DPYD: variants seen among roughly 807,000 people sequenced by gnomAD.
DPYD encodes the protein dihydropyrimidine dehydrogenase, also known as dihydropyrimidine dehydrogenase [NADP(+)].
In DPYD, 109 loss-of-function variants were observed where a neutral mutation model predicts 116.2. The observed-to-expected ratio is 0.94, with a 90% CI of 0.80 to 1.10. DPYD has a LOEUF of 1.10. DPYD is among the 50% of genes least tolerant of loss of function. DPYD has a pLI of 0.00. For synonymous variants in DPYD, 440 were observed against 432.0 expected, an observed-to-expected ratio of 1.02 and a Z score of -0.23; for missense variants, 1,302 against 1,254.5, an observed-to-expected ratio of 1.04 and a Z score of -0.57.
chr1:97,523,128 C>T (rs1648809003), intron 12 of DPYD, among the ~76,000 whole-genome samples: 1 of 151,824 alleles, frequency 6.6e-6, no homozygotes, highest in Non-Finnish European at 1.5e-5. Flanking sequence ...TCAATGAAAA[C>T]TAAAGAAAAC....
chr1:97,115,536 C>T (rs1195885071), intron 20 of DPYD, among the ~76,000 whole-genome samples: 5 of 152,130 alleles, frequency 3.3e-5, no homozygotes, highest in Non-Finnish European at 7.4e-5. Flanking sequence ...GCAGCACATA[C>T]AGTATGATCC....
intron 20 of DPYD, among the ~76,000 whole-genome samples, chr1:97,175,118 T>A (rs1233195374): frequency 6.6e-6 from 1 of 152,100 alleles, no homozygotes; most frequent in African/African-American, 2.4e-5. Context: ...TGCTGGAGAG[T>A]TTTCCAAAGT....
At chr1:97,244,582 C>T (rs1570747402) in intron 18 of DPYD, among the ~76,000 whole-genome samples, 1 of 151,868 alleles carries the variant, frequency 6.6e-6, no homozygotes, top group East Asian at 1.9e-4. Flanking sequence ...TGGTAGATGC[C>T]GTATCATATG....
At chr1:97,741,265 C>T (rs1276325636) in intron 3 of DPYD, among the ~76,000 whole-genome samples, 1 of 152,126 alleles carries the variant, frequency 6.6e-6, no homozygotes, top group African/African-American at 2.4e-5. Context: ...TGCTCAGTCC[C>T]ACTTCCTTCA....
At chr1:97,709,269 C>A (rs567548468) in intron 5 of DPYD, among the ~76,000 whole-genome samples, 1 of 151,820 alleles carries the variant, frequency 6.6e-6, no homozygotes, top group Non-Finnish European at 1.5e-5. Flanking sequence ...CAGTGATATG[C>A]TTAAACAAAG....
chr1:97,130,836 C>CTCCTTCCTTCCTTCCTTCCTTCCTTCCT (rs59350272), intron 20 of DPYD, among the ~76,000 whole-genome samples: 7 of 64,668 alleles, frequency 1.1e-4, no homozygotes, highest in Non-Finnish European at 2.0e-4. Context: ...TTTCTTCTTT[C>CTCCTTCCTTCCTTCCTTCCTTCCTTCCT]TCCTTCCTTC....
chr1:97,218,960 T>TA (rs1160489479), intron 19 of DPYD, among the ~76,000 whole-genome samples: 3 of 152,136 alleles, frequency 2.0e-5, no homozygotes, highest in Non-Finnish European at 4.4e-5. Flanking sequence ...CAAAGGTGCC[T>TA]AAAAAATTAA....
chr1:97,206,687 T>TATATAA (rs539927395), intron 19 of DPYD, among the ~76,000 whole-genome samples: 3,094 of 71,364 alleles, frequency 0.043, 404 homozygotes, highest in South Asian at 0.07. Flanking sequence ...TATATATATA[T>TATATAA]AATCTATATG....
chr1:97,823,592 T>A (rs946603867), intron 3 of DPYD, among the ~76,000 whole-genome samples: 4 of 152,174 alleles, frequency 2.6e-5, no homozygotes, highest in Admixed American at 2.6e-4. Context: ...TCATGCAGTG[T>A]TTGCCCTTCT....
chr1:97,389,107 T>C (rs1475900335), intron 14 of DPYD, among the ~76,000 whole-genome samples: 1 of 151,980 alleles, frequency 6.6e-6, no homozygotes, highest in Admixed American at 6.6e-5. Context: ...GAACTAGTTA[T>C]GGGTTTGTGA....
chr1:97,454,040 T>C (rs1676557615), intron 13 of DPYD, among the ~76,000 whole-genome samples: 1 of 152,044 alleles, frequency 6.6e-6, no homozygotes, highest in African/African-American at 2.4e-5. Context: ...GTTAACTATC[T>C]GAAAGGAATT....
At chr1:97,735,342 T>C (rs1026487685) in intron 4 of DPYD, among the ~76,000 whole-genome samples, 3 of 151,976 alleles carry the variant, frequency 2.0e-5, no homozygotes. Context: ...CTTTTAATAG[T>C]AAAATTGACA....
intron 13 of DPYD, among the ~76,000 whole-genome samples, chr1:97,476,440 T>C (rs1260143455): frequency 6.6e-6 from 1 of 151,984 alleles, no homozygotes; most frequent in Non-Finnish European, 1.5e-5. Flanking sequence ...CAATGAAAAA[T>C]GTTTTTACCT....
chr1:97,667,754 T>G (rs568405511), intron 8 of DPYD, among the ~76,000 whole-genome samples: 1 of 152,254 alleles, frequency 6.6e-6, no homozygotes, highest in South Asian at 2.1e-4. Context: ...CAAAGAAATA[T>G]CTGTATAACC....
At chr1:97,356,941 T>G (rs1273540668) in intron 16 of DPYD, among the ~76,000 whole-genome samples, 1 of 152,202 alleles carries the variant, frequency 6.6e-6, no homozygotes, top group Admixed American at 6.5e-5. Context: ...GAGTTCAGAA[T>G]CAGTTAGTAT....
intron 2 of DPYD, among the ~76,000 whole-genome samples, chr1:97,873,135 G>A (rs1339940948): frequency 6.6e-6 from 1 of 151,810 alleles, no homozygotes; most frequent in African/African-American, 2.4e-5. Context: ...CTGTGCAAAT[G>A]CCCACTTAGC....
At chr1:97,525,329 T>C (rs919302234) in intron 12 of DPYD, among the ~76,000 whole-genome samples, 1 of 152,034 alleles carries the variant, frequency 6.6e-6, no homozygotes. Context: ...AATGTTATTA[T>C]ATACAAATTA....
intron 3 of DPYD, among the ~76,000 whole-genome samples, chr1:97,740,955 C>G (rs550356030): frequency 6.6e-6 from 1 of 152,166 alleles, no homozygotes; most frequent in Non-Finnish European, 1.5e-5. Context: ...CTCTACCTCT[C>G]TCTCTCTTTC....
At chr1:97,277,342 G>A (rs955149349) in intron 18 of DPYD, among the ~76,000 whole-genome samples, 7 of 151,222 alleles carry the variant, frequency 4.6e-5, no homozygotes, top group African/African-American at 1.5e-4. Flanking sequence ...ACCTGCACGT[G>A]TACCCTTGAA....
Sources: gnomAD v4.1 joint callset for allele counts (sites outside exome capture counted in the v4.1 genomes callset) on GRCh38, gnomAD v4.1.1 for gene constraint, MANE v1.5 for transcripts, NCBI Gene and HGNC (gene_info 2026-07-23, HGNC 2026-07-21) for gene names.